The following KIAA1549 variants were observed in gnomAD, a reference collection of about 807,000 sequenced individuals.
KIAA1549 encodes UPF0606 protein KIAA1549.
In KIAA1549, 70 loss-of-function variants were observed where a neutral mutation model predicts 156.4. The ratio of observed to expected loss-of-function variants is 0.45; its 90% CI spans 0.37 to 0.55. KIAA1549 has a LOEUF of 0.55. KIAA1549 is among the 20% of genes least tolerant of loss of function. The pLI, the probability that KIAA1549 is intolerant of heterozygous loss-of-function variation, is 0.00. For missense variants in KIAA1549, 2,428 were observed against 2,540.9 expected, an observed-to-expected ratio of 0.96 and a Z score of 0.96; for synonymous variants, 1,103 against 1,066.4, an observed-to-expected ratio of 1.03 and a Z score of -0.67.
chr7:138,909,015 C>CTG lies in KIAA1549; in HGVS notation c.3250_3251dup (p.Gln1084HisfsTer12). 1 of 1,614,028 alleles carries CTG rather than the reference C, an allele frequency of 6.2e-7. No individual in the cohort carries two copies. Among genetic ancestry groups the CTG allele is most frequent in the Non-Finnish European group, 8.5e-7 (1 of 1,179,896 alleles). On this transcript the variant is annotated frameshift_variant, in exon 5 of 20. Coordinates refer to ENST00000422774, the MANE Select transcript of KIAA1549 (RefSeq NM_001164665.2). LOFTEE classifies it high-confidence loss of function. The stretch of plus-strand genomic sequence containing the variant: ...CCTGCACCGTGAGGTTATACGTTCC[C>CTG]TGGTGGTGTTTTCTCACTTCAAAGA...
At chr7:138,963,021 A>C (rs974044900) in intron 1 of KIAA1549, among the ~76,000 whole-genome samples, 1 of 152,186 alleles carries the variant, frequency 6.6e-6, no homozygotes, top group Non-Finnish European at 1.5e-5. Context: ...CCCCTTGTAG[A>C]CGGAGTTGCT....
At chr7:138,864,901 C>G (rs933727083) in intron 15 of KIAA1549, among the ~76,000 whole-genome samples, 1 of 152,186 alleles carries the variant, frequency 6.6e-6, no homozygotes, top group Non-Finnish European at 1.5e-5. Flanking sequence ...TCATTGATAT[C>G]AAGCCAACAA....
At position 138,852,286 on chromosome 7, in the gene KIAA1549, A is replaced by G; in HGVS notation, c.5248-17T>C. On this transcript the variant is annotated splice_polypyrimidine_tract_variant and intron_variant, in intron 16 of 19. Coordinates refer to ENST00000422774, the MANE Select transcript of KIAA1549 (RefSeq NM_001164665.2). ...TTCGTATCTCTGGAAGACATACAAA[A>G]GAACATGAAGATTAATATTCAATAC... The G allele has an allele frequency of 6.4e-7, 1 of 1,570,500 alleles. No homozygotes were observed. Among genetic ancestry groups the G allele is most frequent in the Non-Finnish European group, 8.7e-7 (1 of 1,147,250 alleles).
intron 4 of KIAA1549, among the ~76,000 whole-genome samples, chr7:138,910,731 G>GTT (rs1385032631): frequency 7.8e-6 from 1 of 127,684 alleles, no homozygotes; most frequent in Non-Finnish European, 1.6e-5. Flanking sequence ...GTAGAGACAG[G>GTT]GTTTCATCAT....
At position 138,905,062 on chromosome 7, in the gene KIAA1549, G is replaced by T; in HGVS notation, c.3480C>A (p.Leu1160=). The T allele has an allele frequency of 6.3e-7, 1 of 1,576,868 alleles. No individual in the cohort carries two copies. The highest frequency in any genetic ancestry group is 2.3e-5 in the East Asian group (1 of 43,568). ...QIAEPFQYPQ[L]NLSQLLKSSW... is the part of the protein sequence containing the mutation. ...AGGACTTCAGCAACTGAGATAAGTT[G>T]AGCTGTGGATACTGGAAGGCTACAA... The change falls in exon 7 of 20, where the codon CTC becomes CTA. Residue 1160 remains leucine (L), a synonymous_variant. Transcript: ENST00000422774.
At chr7:138,932,256 T>G (rs1048623641) in intron 1 of KIAA1549, among the ~76,000 whole-genome samples, 3 of 152,234 alleles carry the variant, frequency 2.0e-5, no homozygotes. Context: ...AACAAGCGTT[T>G]GCAGAGTGGC....
chr7:138,945,964 C>G (rs1054773631), intron 1 of KIAA1549, among the ~76,000 whole-genome samples: 22 of 152,184 alleles, frequency 1.4e-4, no homozygotes, highest in African/African-American at 5.3e-4. Flanking sequence ...CAACAGGAAG[C>G]TTGAAAAGCA....
chr7:138,935,585 C>T (rs1812987025), intron 1 of KIAA1549, among the ~76,000 whole-genome samples: 1 of 152,168 alleles, frequency 6.6e-6, no homozygotes, highest in Non-Finnish European at 1.5e-5. Context: ...AATCTTCTGT[C>T]TCCTATTACA....
intron 10 of KIAA1549, among the ~76,000 whole-genome samples, chr7:138,888,915 G>C (rs190756622): frequency 3.3e-5 from 5 of 152,312 alleles, no homozygotes; most frequent in Admixed American, 3.3e-4. Context: ...CTTATTCACA[G>C]CTGATGATAA....
chr7:138,883,272 CAAAA>C (rs1292571753), intron 10 of KIAA1549, among the ~76,000 whole-genome samples: 1 of 56,316 alleles, frequency 1.8e-5, no homozygotes, highest in East Asian at 5.8e-4. Flanking sequence ...GACTCCATCT[CAAAA>C]AAAAAAAAAA....
chr7:138,980,954 T>A, intron 1 of KIAA1549, 129 bp downstream of exon 1: 1 of 878,636 alleles, frequency 1.1e-6, no homozygotes, highest in Non-Finnish European at 1.4e-6. Context: ...GCAAAGCATC[T>A]TCCAGAAAGG....
rs759129966 is a variant in KIAA1549, at chr7:138,918,377, G to C, written c.1249C>G (p.Pro417Ala). The C allele has an allele frequency of 6.2e-7, 1 of 1,613,984 alleles. No homozygotes were observed. Among genetic ancestry groups the C allele is most frequent in the Admixed American group, 1.7e-5 (1 of 60,030 alleles). ...GTGCAGGCCGCACACCAAGTGTATG[G>C]TCTGAATGAGGACACCGGGCTCAGG... is the stretch of plus-strand genomic sequence containing the variant. ...HILSPVSSFR[P>A]YTWCAACTVP... Residue 417 changes from proline to alanine, a missense_variant, in exon 2 of 20, where the codon CCA becomes GCA. This residue lies in a region of KIAA1549 where 893 missense variants were observed against 847.9 expected (regional missense o/e 1.05). Transcript: ENST00000422774. The surrounding 1 kb of genome is among the most constrained non-coding windows in gnomAD (Gnocchi z 4.2).
At chr7:138,890,387 A>G (rs962487933) in intron 10 of KIAA1549, among the ~76,000 whole-genome samples, 1 of 152,268 alleles carries the variant, frequency 6.6e-6, no homozygotes, top group African/African-American at 2.4e-5. Flanking sequence ...TCATGTAGCG[A>G]GTGCCATTGA....
intron 1 of KIAA1549, among the ~76,000 whole-genome samples, chr7:138,978,697 A>T (rs1305217535): frequency 6.6e-6 from 1 of 152,186 alleles, no homozygotes; most frequent in Non-Finnish European, 1.5e-5. Flanking sequence ...AGTCCAAAAC[A>T]GGTCTAAGCC....
rs1563068499 is a variant in KIAA1549, at chr7:138,899,097, A to C, written c.3705T>G (p.Asn1235Lys). Residue 1235 changes from asparagine (N) to lysine (K), a missense_variant, in exon 9 of 20, where the codon AAT (asparagine) becomes AAG (lysine). Asn to Lys is a moderately conservative substitution (Grantham distance 94). This residue lies in a region of KIAA1549 where 762 missense variants were observed against 901.6 expected (regional missense o/e 0.85). Coordinates refer to ENST00000422774, the MANE Select transcript of KIAA1549 (RefSeq NM_001164665.2). ...VNVSRLEGDD[N>K]PVQLIYFVED... ...CCACAAAGTAGATGAGCTGTACCGGATTGTCATCTCCCTCCAGCCTCGACA... is the reference window on the plus strand; with the variant it reads ...CCACAAAGTAGATGAGCTGTACCGGCTTGTCATCTCCCTCCAGCCTCGACA... 1 of 1,613,818 alleles carries C rather than the reference A, an allele frequency of 6.2e-7. No individual in the cohort carries two copies.
intron 8 of KIAA1549, among the ~76,000 whole-genome samples, chr7:138,902,960 G>T (rs1276301753): frequency 6.6e-6 from 1 of 152,134 alleles, no homozygotes; most frequent in African/African-American, 2.4e-5. Flanking sequence ...TTGGTTGGTT[G>T]AATTTTAGGT....
intron 1 of KIAA1549, among the ~76,000 whole-genome samples, chr7:138,964,497 T>C (rs939222537): frequency 1.3e-5 from 2 of 152,210 alleles, no homozygotes; most frequent in African/African-American, 4.8e-5. Context: ...AGAGACACTG[T>C]GCCGTCTCCT....
intron 1 of KIAA1549, among the ~76,000 whole-genome samples, chr7:138,962,680 G>C (rs1250237217): frequency 6.6e-6 from 1 of 152,168 alleles, no homozygotes; most frequent in East Asian, 1.9e-4. Flanking sequence ...ACACAGCCAA[G>C]TGAGTGACCC....
chr7:138,933,074 C>T (rs996299084), intron 1 of KIAA1549, among the ~76,000 whole-genome samples: 9 of 151,916 alleles, frequency 5.9e-5, no homozygotes, highest in African/African-American at 1.7e-4. Flanking sequence ...CTGGAGAGGC[C>T]CTGCTGGCAT....
Sources: allele counts gnomAD v4.1 joint callset (sites outside exome capture counted in the v4.1 genomes callset), GRCh38; gene constraint gnomAD v4.1.1; regional missense constraint gnomAD v4.1.1; non-coding constraint Gnocchi (gnomAD v3.1); transcripts MANE v1.5; gene names NCBI Gene and HGNC (gene_info 2026-07-23, HGNC 2026-07-21).